The following XKR9 variants were observed in gnomAD, a reference collection of about 807,000 sequenced individuals.
XKR9 encodes XK related 9.
A neutral mutation model predicts 32.0 loss-of-function variants in XKR9; 32 were observed. The ratio of observed to expected loss-of-function variants is 1.00; its 90% CI spans 0.76 to 1.34. The LOEUF is 1.34. Ranked by LOEUF, XKR9 falls within the 40% of genes most tolerant of loss-of-function variation. The pLI, the probability that XKR9 is intolerant of heterozygous loss-of-function variation, is 0.00. For missense variants in XKR9, 546 were observed against 429.7 expected, an observed-to-expected ratio of 1.27 and a Z score of -2.39; for synonymous variants, 168 against 143.4, an observed-to-expected ratio of 1.17 and a Z score of -1.22.
intron 4 of XKR9, among the ~76,000 whole-genome samples, chr8:70,718,286 T>G (rs1231025333): frequency 6.7e-6 from 1 of 150,058 alleles, no homozygotes; most frequent in Admixed American, 6.7e-5. Context: ...TTTATTAATC[T>G]ATTTATTTAT....
intron 2 of XKR9, chr8:70,781,133 C>A (rs1428769963): frequency 1.3e-5 from 2 of 152,004 alleles, no homozygotes; most frequent in South Asian, 2.1e-4. Flanking sequence ...GTATTGCTTG[C>A]AGTTTTGATT....
At chr8:70,784,046 G>A (rs1807651278) in intron 2 of XKR9, among the ~76,000 whole-genome samples, 1 of 152,096 alleles carries the variant, frequency 6.6e-6, no homozygotes, top group African/African-American at 2.4e-5. Context: ...TCTCTCTTCT[G>A]TTCTGCTGTT....
intron 2 of XKR9, among the ~76,000 whole-genome samples, chr8:70,677,495 C>T (rs999272797): frequency 6.6e-6 from 1 of 152,142 alleles, no homozygotes; most frequent in African/African-American, 2.4e-5. Flanking sequence ...GCAATTCTAA[C>T]TATATTCCCC....
the XKR9 span, among the ~76,000 whole-genome samples, chr8:70,815,838 A>G: frequency 1.3e-5 from 2 of 151,956 alleles, no homozygotes; most frequent in African/African-American, 2.4e-5. Context: ...ATTCTTTTTT[A>G]TGGCTTTTTA....
the XKR9 span, among the ~76,000 whole-genome samples, chr8:70,861,413 G>A: frequency 6.6e-6 from 1 of 152,218 alleles, no homozygotes; most frequent in African/African-American, 2.4e-5. Flanking sequence ...CACTTTGGGA[G>A]GCTGAGGAAG....
chr8:70,734,675 G>T lies in XKR9; in HGVS notation c.*251G>T. 3.4e-6 allele frequency: 1 copy of T among 289,992 alleles called. No individual in the cohort carries two copies. The highest frequency in any genetic ancestry group is 5.8e-6 in the Non-Finnish European group (1 of 171,126). 18.0% of individuals were successfully genotyped at this position (289,992 alleles called of 1,614,324 possible). ...ATCTTGAGCCTGAAATATAAGAAAT[G>T]GTCTGGTTTTCATAATGAGAAGGCT... On this transcript the variant is annotated 3_prime_UTR_variant, in exon 5 of 5. Transcript: ENST00000408926.
the XKR9 span, among the ~76,000 whole-genome samples, chr8:70,851,018 T>C: frequency 2.9e-4 from 44 of 152,212 alleles, no homozygotes; most frequent in Admixed American, 9.2e-4. Flanking sequence ...GACCCAATTG[T>C]ATATTTAGAA....
chr8:71,001,137 A>G, the XKR9 span, among the ~76,000 whole-genome samples: 48,507 of 152,166 alleles, frequency 0.32, 9,078 homozygotes, highest in Non-Finnish European at 0.43. Flanking sequence ...AGAAGGTAAC[A>G]GTTTGTGGAT....
chr8:70,930,013 C>A, the XKR9 span, among the ~76,000 whole-genome samples: 1 of 152,110 alleles, frequency 6.6e-6, no homozygotes, highest in African/African-American at 2.4e-5. Flanking sequence ...TAATTTTGAC[C>A]AGGTTTGATT....
At position 70,755,177 on chromosome 8, in the gene XKR9, G is replaced by A. The variant is rs538344972; in HGVS notation, n.353-34162G>A. On this transcript the variant is annotated intron_variant and non_coding_transcript_variant, in intron 2 of 3. Coordinates refer to the XKR9 transcript ENST00000520273. Reference sequence around the variant, plus strand: ...GAAAAAATGCTCGTCATGACTGGCCGTCAGAGAAATGCAAATCAAAGCCAC... The same window carrying A: ...GAAAAAATGCTCGTCATGACTGGCCATCAGAGAAATGCAAATCAAAGCCAC... Among the ~76,000 whole-genome samples the A allele has an allele frequency of 3.7e-4, 57 of 152,338 alleles. 2 individuals carry two copies. The highest frequency in any genetic ancestry group is 5.8e-4 in the East Asian group (3 of 5,184).
the XKR9 span, among the ~76,000 whole-genome samples, chr8:70,798,427 G>A: frequency 2.7e-5 from 4 of 147,782 alleles, no homozygotes; most frequent in African/African-American, 9.8e-5. Context: ...GTTAATTTAA[G>A]TTTTTTATAG....
At chr8:70,869,673 A>G in the XKR9 span, among the ~76,000 whole-genome samples, 11 of 152,074 alleles carry the variant, frequency 7.2e-5, no homozygotes, top group African/African-American at 1.4e-4. Flanking sequence ...TTCCTTACCC[A>G]TTGCATGCTA....
chr8:71,021,691 C>T, the XKR9 span, among the ~76,000 whole-genome samples: 13 of 151,848 alleles, frequency 8.6e-5, no homozygotes, highest in Non-Finnish European at 1.8e-4. Context: ...TTAGTAGAGA[C>T]GGGGTTTCAC....
At chr8:70,766,403 G>GTC (rs1807376398) in intron 2 of XKR9, among the ~76,000 whole-genome samples, 1 of 151,384 alleles carries the variant, frequency 6.6e-6, no homozygotes, top group Non-Finnish European at 1.5e-5. Context: ...TTGACTCTGT[G>GTC]TATTATTGTG....
chr8:70,907,862 A>G, the XKR9 span, among the ~76,000 whole-genome samples: 1 of 152,250 alleles, frequency 6.6e-6, no homozygotes, highest in Non-Finnish European at 1.5e-5. Flanking sequence ...ATCTATTTGA[A>G]TTAGTTTAAA....
the XKR9 span, among the ~76,000 whole-genome samples, chr8:71,064,357 T>A: frequency 6.6e-6 from 1 of 152,296 alleles, no homozygotes; most frequent in South Asian, 2.1e-4. Flanking sequence ...GTTATAAAGT[T>A]TTTTTAACTT....
the XKR9 span, among the ~76,000 whole-genome samples, chr8:71,028,545 G>A: frequency 9.9e-5 from 15 of 152,134 alleles, no homozygotes; most frequent in South Asian, 2.1e-3. Flanking sequence ...CTAGACAGGC[G>A]GAACAGCTTT....
the XKR9 span, among the ~76,000 whole-genome samples, chr8:71,044,108 T>C: frequency 6.6e-6 from 1 of 152,252 alleles, no homozygotes; most frequent in African/African-American, 2.4e-5. Context: ...TTGTTAAAGC[T>C]ATAGCTGAAC....
chr8:70,865,953 G>A, the XKR9 span, among the ~76,000 whole-genome samples: 2 of 152,168 alleles, frequency 1.3e-5, no homozygotes, highest in Non-Finnish European at 2.9e-5. Flanking sequence ...GTGAAGGAAA[G>A]TATTGAGGTT....
Sources: allele counts gnomAD v4.1 joint callset (sites outside exome capture counted in the v4.1 genomes callset), GRCh38; gene constraint gnomAD v4.1.1; transcripts MANE v1.5; gene names NCBI Gene and HGNC (gene_info 2026-07-23, HGNC 2026-07-21).